The following MARCHF1 variants were observed in gnomAD, a reference collection of about 807,000 sequenced individuals.
MARCHF1 encodes the protein membrane associated ring-CH-type finger 1.
In MARCHF1, 40 loss-of-function variants were observed where a neutral mutation model predicts 54.2. The ratio of observed to expected loss-of-function variants is 0.74; its 90% CI spans 0.57 to 0.96. The LOEUF (loss-of-function observed/expected upper bound fraction) is 0.96, where lower values mean the gene tolerates loss of function less well. Ranked by LOEUF, MARCHF1 falls within the 40% of genes least tolerant of loss-of-function variation. MARCHF1 has a pLI of 0.00. For missense variants in MARCHF1, 586 were observed against 656.5 expected (o/e 0.89, Z 1.17); for synonymous variants, 236 against 236.3 (o/e 1.00, Z 0.01).
intron 2 of MARCHF1, among the ~76,000 whole-genome samples, chr4:164,099,683 T>C (rs1755495213): frequency 6.6e-6 from 1 of 152,112 alleles, no homozygotes; most frequent in Admixed American, 6.6e-5. Flanking sequence ...TTGTTAATTA[T>C]GCGGGAAAAA....
At chr4:164,077,010 A>G (rs1001510663) in intron 2 of MARCHF1, among the ~76,000 whole-genome samples, 2 of 152,222 alleles carry the variant, frequency 1.3e-5, no homozygotes, top group Non-Finnish European at 2.9e-5. Context: ...GACTTTCTTC[A>G]TAGAATTAGA....
intron 1 of MARCHF1, among the ~76,000 whole-genome samples, chr4:164,267,971 G>A (rs914318678): frequency 8.6e-5 from 13 of 151,698 alleles, no homozygotes; most frequent in African/African-American, 2.9e-4. Flanking sequence ...CAGGTTGATA[G>A]CAGTCCAAAA....
rs567320182 is a variant in MARCHF1 at position 164,035,851 on chromosome 4, C to T, written c.-247-47142G>A. On this transcript the variant is annotated intron_variant, in intron 2 of 9. Coordinates refer to ENST00000514618, the MANE Select transcript of MARCHF1 (RefSeq NM_001394959.1). Reference sequence around the variant, plus strand: ...ATCTCAGCGCTTTGGGAGGGGGAGGCGGGTGGATCACCTGAGGACAGGAGT... The same window carrying T: ...ATCTCAGCGCTTTGGGAGGGGGAGGTGGGTGGATCACCTGAGGACAGGAGT... 1.9e-4 allele frequency among the ~76,000 whole-genome samples: 28 copies of T among 143,636 alleles called. 1 individual carries two copies. The highest frequency in any genetic ancestry group is 1.9e-3 in the Admixed American group (26 of 13,978). 94.2% of individuals were successfully genotyped at this position (143,636 alleles called of 152,430 possible). A position where few individuals can be genotyped will look rare whatever the true frequency, so the allele number is the denominator to read the frequency against.
intron 2 of MARCHF1, among the ~76,000 whole-genome samples, chr4:164,041,310 C>T (rs17475149): frequency 0.52 from 78,623 of 151,912 alleles, 21,417 homozygotes; most frequent in African/African-American, 0.68. Flanking sequence ...CAGAAATATC[C>T]CCCTCTTTCA....
intron 5 of MARCHF1, among the ~76,000 whole-genome samples, chr4:163,663,222 CTTTTTT>C (rs70948661): frequency 7.1e-6 from 1 of 141,144 alleles, no homozygotes; most frequent in South Asian, 2.3e-4. Context: ...TTTAAATCAT[CTTTTTT>C]TTTTTTTTTA....
chr4:164,126,609 C>A (rs13142461), intron 1 of MARCHF1, among the ~76,000 whole-genome samples: 6,900 of 152,158 alleles, frequency 0.045, 213 homozygotes, highest in Middle Eastern at 0.14. Flanking sequence ...AAAAACCCTA[C>A]CTTGCTCTGA....
At chr4:164,024,096 C>G (rs1753720328) in intron 2 of MARCHF1, among the ~76,000 whole-genome samples, 1 of 152,006 alleles carries the variant, frequency 6.6e-6, no homozygotes, top group African/African-American at 2.4e-5. Context: ...TGTGAAGAGA[C>G]TAAACCTATG....
chr4:163,751,276 T>A (rs1561057641), intron 4 of MARCHF1, among the ~76,000 whole-genome samples: 1 of 152,022 alleles, frequency 6.6e-6, no homozygotes, highest in Non-Finnish European at 1.5e-5. Context: ...CAAGCAAATC[T>A]CCTGCCTTAG....
chr4:163,803,480 A>G (rs1748140141), intron 4 of MARCHF1, among the ~76,000 whole-genome samples: 1 of 149,012 alleles, frequency 6.7e-6, no homozygotes, highest in South Asian at 2.1e-4. Flanking sequence ...TGTAAAACAT[A>G]TTATTACGGA....
intron 1 of MARCHF1, among the ~76,000 whole-genome samples, chr4:164,367,883 G>T (rs146775892): frequency 5.9e-5 from 9 of 151,596 alleles, no homozygotes; most frequent in Admixed American, 2.0e-4. Flanking sequence ...AGTATCTTTT[G>T]TATCTCCATC....
chr4:164,371,190 A>T (rs1731027866), intron 1 of MARCHF1, among the ~76,000 whole-genome samples: 1 of 152,194 alleles, frequency 6.6e-6, no homozygotes, highest in Non-Finnish European at 1.5e-5. Flanking sequence ...AAACTCGAAC[A>T]ATTGGCTGTA....
chr4:164,032,806 T>C (rs1447650133), intron 2 of MARCHF1, among the ~76,000 whole-genome samples: 2 of 152,020 alleles, frequency 1.3e-5, no homozygotes, highest in African/African-American at 4.8e-5. Context: ...ATTAACTACC[T>C]TAAAATTCAT....
At chr4:163,536,463 C>T in intron 9 of MARCHF1, among the ~76,000 whole-genome samples, 1 of 152,230 alleles carries the variant, frequency 6.6e-6, no homozygotes, top group South Asian at 2.1e-4. Context: ...CCCACTGTTA[C>T]ACTTCCATGT....
Position 164,052,983 on chromosome 4 carries a change from A to T in MARCHF1, c.-248+58605T>A, listed in dbSNP as rs190976834. 2.1e-3 allele frequency among the ~76,000 whole-genome samples: 314 copies of T among 152,248 alleles called. 2 individuals are homozygous for T. Among genetic ancestry groups the T allele is most frequent in the African/African-American group, 7.5e-3 (312 of 41,540 alleles). ...TTTCTTTCAGTAACTGTCTCATATAATTTCTTCATCTTTTCTACTTTTAGA... is the reference window on the plus strand; with the variant it reads ...TTTCTTTCAGTAACTGTCTCATATATTTTCTTCATCTTTTCTACTTTTAGA... On this transcript the variant is annotated intron_variant, in intron 2 of 9. Transcript: ENST00000514618.
At chr4:163,808,191 A>G (rs545739471) in intron 4 of MARCHF1, among the ~76,000 whole-genome samples, 30 of 152,202 alleles carry the variant, frequency 2.0e-4, no homozygotes, top group African/African-American at 5.5e-4. Flanking sequence ...CCAAAACCCA[A>G]TAATAACTTC....
At chr4:164,005,273 C>T (rs768472162) in intron 2 of MARCHF1, among the ~76,000 whole-genome samples, 14 of 151,932 alleles carry the variant, frequency 9.2e-5, no homozygotes, top group Non-Finnish European at 1.5e-4. Context: ...GTGTGAGTAG[C>T]CCTAATTTTA....
rs779585633 is a variant in MARCHF1 at position 163,526,742 on chromosome 4, T to C, written c.*2006A>G. On this transcript the variant is annotated 3_prime_UTR_variant, in exon 10 of 10. Transcript: ENST00000514618. ...CTCAACTTTGCTTTCCCTGTGCTTA[T>C]AACAAGTTTTAAGAAAGATGAGTTT... is the stretch of plus-strand genomic sequence containing the variant. 6 of 152,028 alleles carry C rather than the reference T, an allele frequency of 3.9e-5. No individual in the cohort carries two copies. Among genetic ancestry groups the C allele is most frequent in the Non-Finnish European group, 8.8e-5 (6 of 67,946 alleles). The allele number at this position is 152,028 out of a possible 1,614,324, so 9.4% of individuals were successfully genotyped here.
intron 4 of MARCHF1, among the ~76,000 whole-genome samples, chr4:163,745,075 C>G (rs1746317224): frequency 6.6e-6 from 1 of 151,548 alleles, no homozygotes; most frequent in Non-Finnish European, 1.5e-5. Flanking sequence ...AAGAGAGTGC[C>G]AAGAAGTGTT....
chr4:163,840,977 T>TA (rs11367550), intron 4 of MARCHF1, among the ~76,000 whole-genome samples: 2 of 151,908 alleles, frequency 1.3e-5, no homozygotes, highest in African/African-American at 4.8e-5. Flanking sequence ...AGCAATTTTT[T>TA]AAAAAAAATC....
Sources: gnomAD v4.1 joint callset for allele counts (sites outside exome capture counted in the v4.1 genomes callset) on GRCh38, gnomAD v4.1.1 for gene constraint, MANE v1.5 for transcripts, NCBI Gene and HGNC (gene_info 2026-07-23, HGNC 2026-07-21) for gene names.